Variants in BMP1 observed in about 807,000 individuals in gnomAD.
The protein encoded by BMP1 is bone morphogenetic protein 1.
In BMP1, 63 loss-of-function variants were observed where a neutral mutation model predicts 116.8. That is an observed-to-expected ratio of 0.54 (90% CI 0.44 to 0.67). BMP1 has a LOEUF of 0.67. Ranked by LOEUF, BMP1 falls within the 30% of genes least tolerant of loss-of-function variation. BMP1 has a pLI of 0.00. For missense variants in BMP1, 1,183 were observed against 1,358.9 expected (o/e 0.87, Z 2.04); for synonymous variants, 536 against 533.4 (o/e 1.00, Z -0.07).
At chr8:22,202,887 A>G (rs982702975) in intron 16 of BMP1, among the ~76,000 whole-genome samples, 6 of 152,030 alleles carry the variant, frequency 3.9e-5, no homozygotes, top group African/African-American at 1.4e-4. Context: ...GTGCATGCCT[A>G]TAGTCCCAGC....
rs1037707890 is a variant in BMP1 at position 22,176,480 on chromosome 8, G to A, written c.434-53G>A. On this transcript the variant is annotated intron_variant, in intron 3 of 19. Transcript: ENST00000306385. ...GGCTGTGACTCTTCAGTGGTGGGTA[G>A]GGGGTGGGACTGCCTGGACACCGTG... 3.8e-6 allele frequency: 6 copies of A among 1,589,312 alleles called. No homozygotes were observed. The Admixed American group carries it at 5.1e-5, about 13-fold the overall frequency.
In BMP1 at chr8:22,194,522, A is replaced by C. The variant is rs1027468417; in HGVS notation, c.1375A>C (p.Lys459Gln). 6.2e-7 allele frequency: 1 copy of C among 1,614,188 alleles called. No individual in the cohort carries two copies. The highest frequency in any genetic ancestry group is 8.5e-7 in the Non-Finnish European group (1 of 1,180,020). ...PNYPDDYRPSKVCIWRIQVSE... is the reference protein window; with the variant it reads ...PNYPDDYRPSQVCIWRIQVSE... Reference sequence around the variant, plus strand: ...CTACCCAGACGATTACCGGCCCAGCAAAGTCTGCATCTGGCGGATCCAGGT... The same window carrying C: ...CTACCCAGACGATTACCGGCCCAGCCAAGTCTGCATCTGGCGGATCCAGGT... Residue 459 changes from lysine (K) to glutamine (Q), a missense_variant, in exon 11 of 20, where the codon AAA (lysine) becomes CAA (glutamine). Physicochemically the swap from Lys to Gln is moderately conservative, Grantham distance 53. Coordinates refer to ENST00000306385, the MANE Select transcript of BMP1 (RefSeq NM_006129.5). This position sits in a 1 kb window ranked among gnomAD's most constrained non-coding sequence, Gnocchi z 4.5.
At chr8:22,166,639 T>G (rs1828120775) in intron 1 of BMP1, among the ~76,000 whole-genome samples, 1 of 152,188 alleles carries the variant, frequency 6.6e-6, no homozygotes, top group Non-Finnish European at 1.5e-5. Context: ...GGACTGCCTG[T>G]GTGGGGCACC....
chr8:22,184,558 C>G (rs570943416), intron 8 of BMP1, among the ~76,000 whole-genome samples: 3 of 152,302 alleles, frequency 2.0e-5, no homozygotes, highest in Non-Finnish European at 4.4e-5. Flanking sequence ...CAAGTGGCAC[C>G]CTGGGGACGT....
At chr8:22,182,992 A>G (rs1828666778) in intron 8 of BMP1, among the ~76,000 whole-genome samples, 1 of 152,156 alleles carries the variant, frequency 6.6e-6, no homozygotes, top group South Asian at 2.1e-4. Context: ...ATTTGTTGTA[A>G]TTTGAAGATC....
At chr8:22,204,448 C>A (rs998211690) in intron 16 of BMP1, among the ~76,000 whole-genome samples, 4 of 152,160 alleles carry the variant, frequency 2.6e-5, no homozygotes, top group African/African-American at 9.7e-5. Context: ...CGGGGCAGGG[C>A]GTGGTGGCTC....
At chr8:22,173,837 C>T in intron 2 of BMP1, 122 bp downstream of exon 2, 1 of 634,426 alleles carries the variant, frequency 1.6e-6, no homozygotes, top group South Asian at 2.3e-5. Flanking sequence ...TTGACCCCAG[C>T]ACATGGGTCT....
intron 1 of BMP1, among the ~76,000 whole-genome samples, chr8:22,172,888 A>G (rs1828322167): frequency 6.6e-6 from 1 of 152,066 alleles, no homozygotes; most frequent in Admixed American, 6.6e-5. Context: ...AAGTGTTGGG[A>G]TTACAGGTGT....
intron 15 of BMP1, chr8:22,198,926 G>T: frequency 8.1e-7 from 1 of 1,235,156 alleles, no homozygotes. Flanking sequence ...GCTCACCAGA[G>T]GGTTGAGAGG....
chr8:22,185,281 G>A (rs1214033963), intron 8 of BMP1, among the ~76,000 whole-genome samples: 1 of 151,876 alleles, frequency 6.6e-6, no homozygotes, highest in Non-Finnish European at 1.5e-5. Context: ...GTGAAACCCT[G>A]TTTCTACTAA....
chr8:22,189,667 G>C (rs1828875216), intron 8 of BMP1, among the ~76,000 whole-genome samples: 2 of 151,744 alleles, frequency 1.3e-5, no homozygotes, highest in African/African-American at 4.8e-5. Flanking sequence ...GGGTCTCACT[G>C]TGTTGCCCAG....
Position 22,212,040 on chromosome 8 carries a change from G to A in BMP1, c.*312G>A. 4 of 419,610 alleles carry A rather than the reference G, an allele frequency of 9.5e-6. No individual in the cohort carries two copies. The highest frequency in any genetic ancestry group is 8.7e-5 in the South Asian group (3 of 34,462). 26.0% of individuals were successfully genotyped at this position (419,610 alleles called of 1,614,324 possible). On this transcript the variant is annotated 3_prime_UTR_variant, in exon 20 of 20. Transcript: ENST00000306385. ...GAGGGAATGTCAGCAGGACCCCATC[G>A]CCATCCCTGTGTCTCTACACGCTGT...
chr8:22,181,708 A>G (rs1344612753), intron 8 of BMP1, among the ~76,000 whole-genome samples: 1 of 152,024 alleles, frequency 6.6e-6, no homozygotes, highest in Non-Finnish European at 1.5e-5. Flanking sequence ...GTGCGCTACC[A>G]TGCCCGGCAA....
intron 9 of BMP1, among the ~76,000 whole-genome samples, chr8:22,193,283 A>G (rs567876911): frequency 1.3e-5 from 2 of 152,352 alleles, no homozygotes; most frequent in East Asian, 3.9e-4. Flanking sequence ...GTCCTGGGGC[A>G]TCCCTTGCAT....
rs75208314 is a variant in BMP1 at position 22,174,870 on chromosome 8, G to A, written c.262+1155G>A. ...GCTGGTCTCGAACTCCTGGCCTCAA[G>A]CGAACTATCCTCCCTGGCCTCCCAA... is the stretch of plus-strand genomic sequence containing the variant. On this transcript the variant is annotated intron_variant, in intron 2 of 19. Transcript: ENST00000306385. Among the ~76,000 whole-genome samples, 570 of 152,220 alleles carry A rather than the reference G, an allele frequency of 3.7e-3. 6 individuals are homozygous for A. Among genetic ancestry groups the A allele is most frequent in the African/African-American group, 0.013 (548 of 41,546 alleles).
At chr8:22,202,728 G>A (rs1300314143) in intron 16 of BMP1, among the ~76,000 whole-genome samples, 2 of 152,208 alleles carry the variant, frequency 1.3e-5, no homozygotes, top group Non-Finnish European at 2.9e-5. Flanking sequence ...AAGTAAAATA[G>A]GCCAGTGCGG....
At position 22,179,819 on chromosome 8, in the gene BMP1, C is replaced by T. The variant is rs760545708; in HGVS notation, c.951C>T (p.Tyr317=). The change falls in exon 7 of 20, where the codon TAC becomes TAT. Residue 317 remains tyrosine (Y), a synonymous_variant. Transcript: ENST00000306385. The surrounding 1 kb of genome is among the most constrained non-coding windows in gnomAD (Gnocchi z 4.6). ...ACATTGCCCAAGCCCGCAAGCTTTA[C>T]AAGTGCCCAGGTCAGGGCAGAGAAG... ...KGDIAQARKL[Y]KCPACGETLQ... 2.5e-6 allele frequency: 4 copies of T among 1,613,578 alleles called. No homozygotes were observed. Among genetic ancestry groups the T allele is most frequent in the Non-Finnish European group, 3.4e-6 (4 of 1,179,766 alleles).
chr8:22,197,199 C>A, intron 14 of BMP1, 41 bp from the exon 15 acceptor site: 2 of 1,590,510 alleles, frequency 1.3e-6, no homozygotes, highest in Non-Finnish European at 1.7e-6. Flanking sequence ...TCAAGAGAGG[C>A]TTCCTGGAGG....
chr8:22,207,537 A>C (rs1829385921), intron 18 of BMP1, 21 bp downstream of exon 18: 2 of 1,608,822 alleles, frequency 1.2e-6, no homozygotes, highest in African/African-American at 2.7e-5. Flanking sequence ...CGGTTGTGGG[A>C]GTGTTCACTG....
Sources: gnomAD v4.1 joint callset for allele counts (sites outside exome capture counted in the v4.1 genomes callset) on GRCh38, gnomAD v4.1.1 for gene constraint, Gnocchi (gnomAD v3.1) non-coding constraint, MANE v1.5 for transcripts, NCBI Gene and HGNC (gene_info 2026-07-23, HGNC 2026-07-21) for gene names.